ZNF473: variants seen among roughly 807,000 people sequenced by gnomAD.
The protein encoded by ZNF473 is zinc finger protein 100 homolog.
Under a neutral mutation model 11.1 loss-of-function variants are expected in ZNF473, and 4 were observed. That is an observed-to-expected ratio of 0.36 (90% confidence interval 0.18 to 0.82). The LOEUF (loss-of-function observed/expected upper bound fraction) is 0.82, where lower values mean the gene tolerates loss of function less well. ZNF473 is among the 40% of genes least tolerant of loss of function. ZNF473 has a pLI of 0.49. For missense variants in ZNF473, 854 were observed against 1,084.0 expected, an observed-to-expected ratio of 0.79 and a Z score of 2.98; for synonymous variants, 404 against 390.4, an observed-to-expected ratio of 1.03 and a Z score of -0.41.
chr19:50,040,664 C>T (rs899565449), intron 3 of ZNF473: 3 of 152,356 alleles, frequency 2.0e-5, no homozygotes, highest in African/African-American at 7.2e-5. Context: ...CACCCCAGCT[C>T]CCCATCAGTG....
chr19:50,028,598 A>G (rs1291725502), intron 1 of ZNF473, among the ~76,000 whole-genome samples: 1 of 152,022 alleles, frequency 6.6e-6, no homozygotes, highest in African/African-American at 2.4e-5. Context: ...TGCTGGGATT[A>G]TAAGCATCCC....
chr19:50,036,206 C>T (rs554532516), intron 2 of ZNF473, among the ~76,000 whole-genome samples: 7 of 152,126 alleles, frequency 4.6e-5, no homozygotes, highest in African/African-American at 1.4e-4. Flanking sequence ...GCAGTCTGCC[C>T]GCCTCAGCCT....
At chr19:50,028,442 A>G (rs2077299361) in intron 1 of ZNF473, among the ~76,000 whole-genome samples, 1 of 151,942 alleles carries the variant, frequency 6.6e-6, no homozygotes, top group African/African-American at 2.4e-5. Context: ...CAGCCTCCCA[A>G]GCGATCCTCC....
Position 50,045,134 on chromosome 19 carries a change from C to G in ZNF473, c.691C>G (p.His231Asp), listed in dbSNP as rs1202572606. 3 of 1,614,098 alleles carry G rather than the reference C, an allele frequency of 1.9e-6. No homozygotes were observed. The African/African-American group carries it at 4.0e-5, about 22-fold the overall frequency. Residue 231 changes from histidine to aspartate, a missense_variant, in exon 5 of 5, where the codon CAT (histidine) becomes GAT (aspartate). Coordinates refer to ENST00000270617, the MANE Select transcript of ZNF473 (RefSeq NM_015428.4). The stretch of plus-strand genomic sequence containing the variant: ...CCGTCTTACCCAGCACTGGATCACT[C>G]ATACTAGGGAGAAACCCACTGTCCA... ...SYRLTQHWIT[H>D]TREKPTVHQE... is the part of the protein sequence containing the mutation.
At chr19:50,037,490 G>A (rs1173443081) in intron 2 of ZNF473, among the ~76,000 whole-genome samples, 2 of 152,088 alleles carry the variant, frequency 1.3e-5, no homozygotes, top group African/African-American at 2.4e-5. Context: ...ACGTTTTAAT[G>A]TTGGTACTTC....
intron 2 of ZNF473, among the ~76,000 whole-genome samples, chr19:50,034,946 C>G (rs575097758): frequency 4.8e-4 from 73 of 152,254 alleles, no homozygotes; most frequent in African/African-American, 1.6e-3. Flanking sequence ...TTCATCAGGG[C>G]TTGCAAAATG....
intron 1 of ZNF473, 67 bp from the exon 2 acceptor site, chr19:50,030,825 C>T: frequency 1.8e-6 from 1 of 568,056 alleles, no homozygotes; most frequent in Non-Finnish European, 3.2e-6. Context: ...TCTGTAGGTT[C>T]TGAAGCACAG....
chr19:50,043,402 A>G (rs1978882827), intron 4 of ZNF473: 1 of 142,794 alleles, frequency 7.0e-6, no homozygotes, highest in African/African-American at 2.6e-5. Flanking sequence ...GCAGCACTTC[A>G]GCCTGGGCAA....
At position 50,041,739 on chromosome 19, in the gene ZNF473, G is replaced by A. The variant is rs1416088385; in HGVS notation, c.146G>A (p.Arg49Lys). 1 of 1,611,726 alleles carries A rather than the reference G, an allele frequency of 6.2e-7. No homozygotes were observed. Among genetic ancestry groups the A allele is most frequent in the Non-Finnish European group, 8.5e-7 (1 of 1,179,004 alleles). The change falls in exon 4 of 5, where the codon AGA (arginine) becomes AAA (lysine). Residue 49 changes from arginine (R) to lysine (K), a missense_variant. By Grantham distance (26) the Arg-to-Lys change is conservative (BLOSUM62 2). Transcript: ENST00000270617. ...CQDLFLLDPP[R>K]PNLTSHPDGS... is the part of the protein sequence containing the mutation. ...TTTTCTCTCCCTGCAGACCCCCCAA[G>A]ACCCAACCTGACCTCCCACCCAGAT... is the stretch of plus-strand genomic sequence containing the variant.
intron 3 of ZNF473, 187 bp from the exon 4 acceptor site, chr19:50,041,543 C>T: frequency 2.4e-6 from 1 of 424,548 alleles, no homozygotes; most frequent in Non-Finnish European, 4.3e-6. Context: ...GCTCCCTCTC[C>T]ATCACTGGAC....
chr19:50,031,204 T>C lies in ZNF473; in HGVS notation c.9+113T>C, dbSNP rs557542775. The stretch of plus-strand genomic sequence containing the variant: ...GCTCTGTGTTGATTGGTCACCCCCA[T>C]GGCAGGAAAGCTGGCCTTCCTTTGT... On this transcript the variant is annotated intron_variant, in intron 2 of 4. Transcript: ENST00000270617. The C allele has an allele frequency of 5.6e-6, 8 of 1,417,022 alleles. No homozygotes were observed. The African/African-American group carries it at 7.1e-5, about 13-fold the overall frequency. The allele number at this position is 1,417,022 out of a possible 1,614,324, so 87.8% of individuals were successfully genotyped here.
At chr19:50,042,649 C>T (rs1568409399) in intron 4 of ZNF473, 2 of 152,388 alleles carry the variant, frequency 1.3e-5, no homozygotes, top group East Asian at 3.9e-4. Context: ...AATATACCTC[C>T]ATATCCTCTA....
rs1440150187 is a variant in ZNF473 at position 50,045,851 on chromosome 19, C to A, written c.1408C>A (p.Arg470=). 18 of 1,613,900 alleles carry A rather than the reference C, an allele frequency of 1.1e-5. No homozygotes were observed. Among genetic ancestry groups the A allele is most frequent in the Non-Finnish European group, 1.5e-5 (18 of 1,179,974 alleles). The change falls in exon 5 of 5, where the codon CGG becomes AGG. Residue 470 remains arginine (R), a synonymous_variant. Coordinates refer to ENST00000270617, the MANE Select transcript of ZNF473 (RefSeq NM_015428.4). ...KCQECVRSFS[R]PSHLMRHQAI... ...TCAGGAATGCGTCAGGAGTTTCAGC[C>A]GGCCCTCACATCTGATGCGACATCA...
chr19:50,037,884 A>G (rs1030290270), intron 2 of ZNF473, among the ~76,000 whole-genome samples: 1 of 152,024 alleles, frequency 6.6e-6, no homozygotes, highest in African/African-American at 2.4e-5. Context: ...ATAAATTACC[A>G]TAACTTACAA....
At position 50,039,092 on chromosome 19, in the gene ZNF473, C is replaced by T; in HGVS notation, c.10-69C>T. The T allele has an allele frequency of 6.3e-7, 1 of 1,591,242 alleles. No individual in the cohort carries two copies. Among genetic ancestry groups the T allele is most frequent in the Admixed American group, 1.7e-5 (1 of 59,310 alleles). ...CCTGGCAGATTGAGGGCTGGGAGTG[C>T]CCTGAGTGAGCTGTTGGGCTCCTCC... On this transcript the variant is annotated intron_variant, in intron 2 of 4. Coordinates refer to ENST00000270617, the MANE Select transcript of ZNF473 (RefSeq NM_015428.4). This position sits in a 1 kb window ranked among gnomAD's most constrained non-coding sequence, Gnocchi z 4.8.
Position 50,044,827 on chromosome 19 carries a change from T to C in ZNF473, c.384T>C (p.Asp128=), listed in dbSNP as rs918158509. The part of the protein sequence containing the change: ...EDTWLDSLLG[D]PESLLRSDIA... ...CCTGGTTAGATAGTTTGCTAGGCGA[T>C]CCAGAAAGTCTTCTGAGGTCTGATA... Residue 128 remains aspartate, a synonymous_variant, in exon 5 of 5, where the codon GAT becomes GAC. Coordinates refer to ENST00000270617, the MANE Select transcript of ZNF473 (RefSeq NM_015428.4). The C allele has an allele frequency of 6.2e-7, 1 of 1,614,232 alleles. No individual in the cohort carries two copies. The highest frequency in any genetic ancestry group is 8.5e-7 in the Non-Finnish European group (1 of 1,180,048).
intron 1 of ZNF473, among the ~76,000 whole-genome samples, chr19:50,026,989 C>T (rs2077286528): frequency 6.6e-6 from 1 of 152,110 alleles, no homozygotes; most frequent in Non-Finnish European, 1.5e-5. Flanking sequence ...TTAACATTTA[C>T]AGTATTTGAG....
Position 50,047,927 on chromosome 19 carries a change from A to G in ZNF473, c.*868A>G, listed in dbSNP as rs527854249. Reference sequence around the variant, plus strand: ...CAGGGTGTTAACCGCATATGAAACAACCCATATGGAAGACATACTTAGGGG... The same window carrying G: ...CAGGGTGTTAACCGCATATGAAACAGCCCATATGGAAGACATACTTAGGGG... On this transcript the variant is annotated 3_prime_UTR_variant, in exon 5 of 5. Coordinates refer to ENST00000270617, the MANE Select transcript of ZNF473 (RefSeq NM_015428.4). 4 of 152,314 alleles carry G rather than the reference A, an allele frequency of 2.6e-5. No individual in the cohort carries two copies. Among genetic ancestry groups the G allele is most frequent in the African/African-American group, 9.6e-5 (4 of 41,558 alleles). The allele number at this position is 152,314 out of a possible 1,614,324, so 9.4% of individuals were successfully genotyped here. A position where few individuals can be genotyped will look rare whatever the true frequency, so the allele number is the denominator to read the frequency against.
chr19:50,036,566 C>G (rs1600755212), intron 2 of ZNF473, among the ~76,000 whole-genome samples: 1 of 151,028 alleles, frequency 6.6e-6, no homozygotes, highest in Non-Finnish European at 1.5e-5. Flanking sequence ...CCTCATGATC[C>G]GCCTGCCTTG....
Sources: gnomAD v4.1 joint callset for allele counts (sites outside exome capture counted in the v4.1 genomes callset) on GRCh38, gnomAD v4.1.1 for gene constraint, Gnocchi (gnomAD v3.1) non-coding constraint, MANE v1.5 for transcripts, NCBI Gene and HGNC (gene_info 2026-07-23, HGNC 2026-07-21) for gene names.